AFTPH: variants seen among roughly 807,000 people sequenced by gnomAD.
AFTPH encodes the protein aftiphilin protein.
Under a neutral mutation model 72.5 loss-of-function variants are expected in AFTPH, and 7 were observed. That is an observed-to-expected ratio of 0.10 (90% CI 0.05 to 0.18). AFTPH has a LOEUF of 0.18. Ranked by LOEUF, AFTPH falls within the 10% of genes least tolerant of loss-of-function variation. The pLI, the probability that AFTPH is intolerant of heterozygous loss-of-function variation, is 1.00. For missense variants in AFTPH, 979 were observed against 1,060.5 expected (o/e 0.92, Z 1.07); for synonymous variants, 337 against 370.1 (o/e 0.91, Z 1.03).
intron 1 of AFTPH, among the ~76,000 whole-genome samples, chr2:64,532,671 C>G (rs1021839987): frequency 2.0e-5 from 3 of 152,094 alleles, no homozygotes; most frequent in Admixed American, 2.0e-4. Flanking sequence ...TTGTTAAGCT[C>G]AGTTTGAGAT....
intron 2 of AFTPH, among the ~76,000 whole-genome samples, chr2:64,563,576 C>G (rs1196387137): frequency 2.6e-5 from 4 of 152,170 alleles, no homozygotes; most frequent in African/African-American, 9.7e-5. Flanking sequence ...ATTCTTGTAA[C>G]TGTTCTACTT....
At chr2:64,561,197 T>TA (rs1671719963) in intron 2 of AFTPH, among the ~76,000 whole-genome samples, 3 of 152,226 alleles carry the variant, frequency 2.0e-5, no homozygotes, top group African/African-American at 7.2e-5. Flanking sequence ...CCCCAGTTTT[T>TA]AAAATGTTTA....
chr2:64,573,560 C>T (rs185701208), intron 6 of AFTPH, among the ~76,000 whole-genome samples: 1 of 152,224 alleles, frequency 6.6e-6, no homozygotes. Flanking sequence ...TTAGATATGT[C>T]CATTGCCTTA....
chr2:64,579,613 C>G, intron 7 of AFTPH, 67 bp downstream of exon 7: 1 of 1,342,802 alleles, frequency 7.4e-7, no homozygotes, highest in Non-Finnish European at 1.1e-6. Flanking sequence ...TTCAGACAAA[C>G]TTCTCTCTGC....
chr2:64,590,731 A>C (rs1266179573), intron 8 of AFTPH, among the ~76,000 whole-genome samples: 1 of 152,170 alleles, frequency 6.6e-6, no homozygotes, highest in Non-Finnish European at 1.5e-5. Flanking sequence ...CTTTTGAAAA[A>C]CTTTAGTCCT....
At chr2:64,536,927 TG>T (rs1401055991) in intron 1 of AFTPH, among the ~76,000 whole-genome samples, 1 of 119,090 alleles carries the variant, frequency 8.4e-6, no homozygotes, top group Non-Finnish European at 1.6e-5. Context: ...TACTGCAGCC[TG>T]GGAAAAGAAG....
At chr2:64,581,399 T>C in intron 7 of AFTPH, 126 bp downstream of exon 8, 1 of 725,742 alleles carries the variant, frequency 1.4e-6, no homozygotes, top group African/African-American at 1.9e-5. Flanking sequence ...AATACTTTTC[T>C]TTCATCTGTT....
chr2:64,584,900 A>C (rs973413626), intron 7 of AFTPH, among the ~76,000 whole-genome samples: 8 of 151,764 alleles, frequency 5.3e-5, no homozygotes, highest in Non-Finnish European at 7.4e-5. Flanking sequence ...CTGGCCAGTC[A>C]TGATATATTT....
At chr2:64,559,925 A>G (rs773245880) in intron 2 of AFTPH, among the ~76,000 whole-genome samples, 4 of 152,136 alleles carry the variant, frequency 2.6e-5, no homozygotes, top group Non-Finnish European at 4.4e-5. Flanking sequence ...GATGGTCTCC[A>G]ACTCCTGGGC....
intron 8 of AFTPH, among the ~76,000 whole-genome samples, chr2:64,590,710 A>T (rs1236893139): frequency 6.6e-6 from 1 of 152,264 alleles, no homozygotes; most frequent in Admixed American, 6.5e-5. Flanking sequence ...TATATGCCTG[A>T]TGCTTTTTCC....
At chr2:64,545,657 G>A (rs186658249) in intron 1 of AFTPH, among the ~76,000 whole-genome samples, 1 of 136,790 alleles carries the variant, frequency 7.3e-6, no homozygotes. Flanking sequence ...GGACCTCGAG[G>A]ACATTACACT....
intron 2 of AFTPH, 48 bp from the exon 3 acceptor site, chr2:64,567,511 ATAT>A (rs753862523): frequency 1.7e-4 from 265 of 1,562,164 alleles, no homozygotes; most frequent in Non-Finnish European, 1.8e-4. Context: ...TATAACTATG[ATAT>A]TATCAAAATT....
At chr2:64,539,376 G>GT (rs146202054) in intron 1 of AFTPH, among the ~76,000 whole-genome samples, 3,432 of 152,188 alleles carry the variant, frequency 0.023, 129 homozygotes, top group African/African-American at 0.076. Flanking sequence ...TTTAGCTAGG[G>GT]TTTTTTGCAG....
intron 1 of AFTPH, among the ~76,000 whole-genome samples, chr2:64,541,806 T>G (rs187629576): frequency 4.6e-5 from 7 of 152,322 alleles, no homozygotes; most frequent in Non-Finnish European, 1.0e-4. Flanking sequence ...TTTTGTTTTT[T>G]CCTTCACTCA....
At chr2:64,571,355 T>A (rs1672419604) in intron 5 of AFTPH, among the ~76,000 whole-genome samples, 1 of 151,878 alleles carries the variant, frequency 6.6e-6, no homozygotes, top group Non-Finnish European at 1.5e-5. Context: ...AGCTGCTGAT[T>A]GGGGATCACA....
intron 1 of AFTPH, chr2:64,525,702 A>G (rs1268633735): frequency 6.6e-6 from 1 of 152,246 alleles, no homozygotes; most frequent in Non-Finnish European, 1.5e-5. Flanking sequence ...CTCTAGGGAC[A>G]ACAAATGTTT....
chr2:64,571,362 C>G (rs151003408), intron 5 of AFTPH, among the ~76,000 whole-genome samples: 33 of 151,984 alleles, frequency 2.2e-4, no homozygotes, highest in African/African-American at 7.7e-4. Flanking sequence ...GATTGGGGAT[C>G]ACAATTTGAG....
intron 6 of AFTPH, among the ~76,000 whole-genome samples, chr2:64,576,515 G>C (rs1672811915): frequency 6.6e-6 from 1 of 152,086 alleles, no homozygotes; most frequent in African/African-American, 2.4e-5. Context: ...TTGGGATTGT[G>C]TGTGTGTTTT....
chr2:64,565,148 TA>T (rs2104023974), intron 2 of AFTPH, among the ~76,000 whole-genome samples: 1 of 152,068 alleles, frequency 6.6e-6, no homozygotes, highest in African/African-American at 2.4e-5. Flanking sequence ...TGGAAATTGA[TA>T]CACTTTTAAA....
Sources: gnomAD v4.1 joint callset for allele counts (sites outside exome capture counted in the v4.1 genomes callset) on GRCh38, gnomAD v4.1.1 for gene constraint, MANE v1.5 for transcripts, NCBI Gene and HGNC (gene_info 2026-07-23, HGNC 2026-07-21) for gene names.